The following CSMD1 variants were observed in gnomAD, a reference collection of about 807,000 sequenced individuals.
The protein encoded by CSMD1 is CUB and sushi domain-containing protein 1.
CSMD1 carries 213 observed loss-of-function variants against 417.5 expected under a neutral mutation model. The observed-to-expected ratio is 0.51, with a 90% CI of 0.46 to 0.57. The LOEUF (loss-of-function observed/expected upper bound fraction) is 0.57, where lower values mean the gene tolerates loss of function less well. Ranked by LOEUF, CSMD1 falls within the 20% of genes least tolerant of loss-of-function variation. The pLI is 0.00. For synonymous variants in CSMD1, 2,862 were observed against 1,736.8 expected, an observed-to-expected ratio of 1.65 and a Z score of -16.11; for missense variants, 6,923 against 4,529.7, an observed-to-expected ratio of 1.53 and a Z score of -15.17.
intron 1 of CSMD1, among the ~76,000 whole-genome samples, chr8:4,897,863 T>A (rs1804607142): frequency 6.6e-6 from 1 of 152,130 alleles, no homozygotes; most frequent in Non-Finnish European, 1.5e-5. Flanking sequence ...CAATCTAGAT[T>A]TTGTAGTCTC....
chr8:3,789,837 T>C (rs1799636909), intron 5 of CSMD1, among the ~76,000 whole-genome samples: 3 of 151,266 alleles, frequency 2.0e-5, no homozygotes, highest in African/African-American at 7.3e-5. Flanking sequence ...GGTTGCACCA[T>C]TCTCCTGCCT....
At chr8:4,277,524 A>G (rs540336654) in intron 3 of CSMD1, among the ~76,000 whole-genome samples, 1 of 152,086 alleles carries the variant, frequency 6.6e-6, no homozygotes, top group Non-Finnish European at 1.5e-5. Flanking sequence ...TTTTTCTTTT[A>G]TATCTAGAGA....
chr8:4,136,708 C>G (rs1000060039), intron 3 of CSMD1, among the ~76,000 whole-genome samples: 4 of 152,132 alleles, frequency 2.6e-5, no homozygotes, highest in Admixed American at 6.5e-5. Flanking sequence ...TACGTAACAT[C>G]TTATGTAGCC....
At chr8:3,905,734 A>G (rs1808064149) in intron 5 of CSMD1, among the ~76,000 whole-genome samples, 1 of 152,190 alleles carries the variant, frequency 6.6e-6, no homozygotes, top group Non-Finnish European at 1.5e-5. Context: ...CGCAGATAAT[A>G]GACTCGTCTT....
chr8:4,821,395 C>G (rs986413465), intron 1 of CSMD1, among the ~76,000 whole-genome samples: 4 of 152,190 alleles, frequency 2.6e-5, no homozygotes, highest in Middle Eastern at 6.8e-3. Flanking sequence ...ATAAAGCAAA[C>G]CTAGATTTTT....
At chr8:3,580,477 G>A (rs370926610) in intron 9 of CSMD1, among the ~76,000 whole-genome samples, 5 of 152,204 alleles carry the variant, frequency 3.3e-5, no homozygotes, top group Non-Finnish European at 5.9e-5. Flanking sequence ...CTCTAGGAAT[G>A]TAAATAGCAC....
chr8:4,769,031 G>A (rs1796472085), intron 1 of CSMD1, among the ~76,000 whole-genome samples: 1 of 152,148 alleles, frequency 6.6e-6, no homozygotes, highest in Admixed American at 6.5e-5. Flanking sequence ...GTACTACAAA[G>A]CCATCTCGGG....
At chr8:3,973,023 C>A (rs1027979390) in intron 5 of CSMD1, among the ~76,000 whole-genome samples, 5 of 152,224 alleles carry the variant, frequency 3.3e-5, no homozygotes, top group African/African-American at 1.2e-4. Flanking sequence ...TCTCTTCTAA[C>A]AGTGTTTACC....
chr8:3,823,058 C>T (rs1354938890), intron 5 of CSMD1, among the ~76,000 whole-genome samples: 1 of 152,048 alleles, frequency 6.6e-6, no homozygotes, highest in Non-Finnish European at 1.5e-5. Flanking sequence ...TTCTATGGTT[C>T]CGGAAGAGAT....
chr8:4,696,965 A>C lies in CSMD1; in HGVS notation c.86-59407T>G, dbSNP rs527899472. Among the ~76,000 whole-genome samples, 36 of 152,280 alleles carry C rather than the reference A, an allele frequency of 2.4e-4. No individual in the cohort carries two copies. In the East Asian group the frequency reaches 6.2e-3, roughly 26 times the overall value. ...GAGCTGGGTAGATCATGAGGTCAGCAGTTCAAGACCAGCCTGACGAACATG... is the reference window on the plus strand; with the variant it reads ...GAGCTGGGTAGATCATGAGGTCAGCCGTTCAAGACCAGCCTGACGAACATG... On this transcript the variant is annotated intron_variant, in intron 1 of 69. Transcript: ENST00000635120.
At chr8:3,050,116 A>C (rs956695012) in intron 50 of CSMD1, among the ~76,000 whole-genome samples, 1 of 151,848 alleles carries the variant, frequency 6.6e-6, no homozygotes, top group Admixed American at 6.6e-5. Flanking sequence ...AAAAAAAAAA[A>C]AAAAACTGAT....
chr8:4,843,664 C>T (rs1800966015), intron 1 of CSMD1, among the ~76,000 whole-genome samples: 1 of 152,088 alleles, frequency 6.6e-6, no homozygotes, highest in Non-Finnish European at 1.5e-5. Flanking sequence ...AAATGAATTT[C>T]ACTGTAATTA....
At chr8:3,487,270 T>G (rs556843549) in intron 11 of CSMD1, among the ~76,000 whole-genome samples, 2 of 152,234 alleles carry the variant, frequency 1.3e-5, no homozygotes, top group South Asian at 4.1e-4. Context: ...GGCGCGATCT[T>G]GGCTCTCTGC....
intron 4 of CSMD1, among the ~76,000 whole-genome samples, chr8:4,031,037 C>A (rs543941788): frequency 2.0e-5 from 3 of 152,266 alleles, no homozygotes; most frequent in African/African-American, 7.2e-5. Context: ...TTGTCCATAT[C>A]ATCAGCACTT....
At chr8:3,366,912 C>A in intron 20 of CSMD1, 120 bp downstream of exon 20, 1 of 800,940 alleles carries the variant, frequency 1.2e-6, no homozygotes, top group Non-Finnish European at 2.1e-6. Flanking sequence ...TCAAGTCACG[C>A]ATGTACAAAC....
In CSMD1 at chr8:3,369,224, G is replaced by C. The variant is rs371928996; in HGVS notation, c.2899+30C>G. 99 of 1,066,330 alleles carry C rather than the reference G, an allele frequency of 9.3e-5. 1 individual carries two copies. In the Middle Eastern group the frequency reaches 9.9e-4, roughly 11 times the overall value. 66.1% of individuals were successfully genotyped at this position (1,066,330 alleles called of 1,614,324 possible). A position where few individuals can be genotyped will look rare whatever the true frequency, so the allele number is the denominator to read the frequency against. On this transcript the variant is annotated intron_variant, in intron 19 of 69. Coordinates refer to ENST00000635120, the MANE Select transcript of CSMD1 (RefSeq NM_033225.6). ...GTTTTTCTGTCTCATTTATTAGTCT[G>C]TATGTTTGAGACCTATGATAGATTC...
intron 2 of CSMD1, among the ~76,000 whole-genome samples, chr8:4,446,745 G>GTGCGTGTGTC (rs1798822241): frequency 8.6e-6 from 1 of 115,772 alleles, no homozygotes; most frequent in Non-Finnish European, 1.7e-5. Context: ...GTGTGTGTGT[G>GTGCGTGTGTC]TGTGTGTGTC....
chr8:4,633,241 G>A (rs1699788160), intron 2 of CSMD1, among the ~76,000 whole-genome samples: 1 of 151,626 alleles, frequency 6.6e-6, no homozygotes. Flanking sequence ...TTTTTTATGT[G>A]TTCGTTTGTT....
chr8:3,727,990 G>C (rs1802591636), intron 6 of CSMD1, among the ~76,000 whole-genome samples: 1 of 152,214 alleles, frequency 6.6e-6, no homozygotes, highest in South Asian at 2.1e-4. Context: ...TTTTGGAAAT[G>C]CATGGTGGTG....
Sources: allele counts gnomAD v4.1 joint callset (sites outside exome capture counted in the v4.1 genomes callset), GRCh38; gene constraint gnomAD v4.1.1; transcripts MANE v1.5; gene names NCBI Gene and HGNC (gene_info 2026-07-23, HGNC 2026-07-21).